Variants in LGSN observed in about 807,000 individuals in gnomAD.
LGSN encodes lengsin, lens protein with glutamine synthetase domain.
Under a neutral mutation model 19.5 loss-of-function variants are expected in LGSN, and 21 were observed. That is an observed-to-expected ratio of 1.07 (90% CI 0.76 to 1.55). The LOEUF (loss-of-function observed/expected upper bound fraction) is 1.55, where lower values mean the gene tolerates loss of function less well. Ranked by LOEUF, LGSN falls within the 40% of genes most tolerant of loss-of-function variation. LGSN has a pLI of 0.00. For synonymous variants in LGSN, 257 were observed against 215.6 expected (o/e 1.19, Z -1.68); for missense variants, 673 against 608.5 (o/e 1.11, Z -1.12).
At chr6:63,445,533 G>A in the LGSN span, among the ~76,000 whole-genome samples, 1 of 151,910 alleles carries the variant, frequency 6.6e-6, no homozygotes, top group East Asian at 1.9e-4. Context: ...CACAAGAATC[G>A]CTTGAACCTG....
the LGSN span, among the ~76,000 whole-genome samples, chr6:63,407,517 A>G: frequency 6.6e-6 from 1 of 152,222 alleles, no homozygotes; most frequent in Non-Finnish European, 1.5e-5. Context: ...TTCGGTATTG[A>G]TGGGACGTAT....
At chr6:63,442,818 G>A in the LGSN span, among the ~76,000 whole-genome samples, 1 of 152,260 alleles carries the variant, frequency 6.6e-6, no homozygotes, top group Non-Finnish European at 1.5e-5. Context: ...ACAGAGTGCT[G>A]ATTGGTGCAT....
the LGSN span, among the ~76,000 whole-genome samples, chr6:63,525,411 G>A: frequency 4.6e-5 from 7 of 152,266 alleles, no homozygotes; most frequent in East Asian, 5.8e-4. Flanking sequence ...ACTCCTTCCC[G>A]TTTGCTTGCT....
the LGSN span, among the ~76,000 whole-genome samples, chr6:63,485,821 C>T: frequency 6.6e-6 from 1 of 152,078 alleles, no homozygotes; most frequent in Non-Finnish European, 1.5e-5. Context: ...CTCTGCCTCC[C>T]GGGTTCAAGT....
At chr6:63,572,622 GCCTCCTGCCCTGCAGCCACCGCCA>G in the LGSN span, 1 of 421,158 alleles carries the variant, frequency 2.4e-6, no homozygotes. Context: ...GACCACCGCC[GCCTCCTGCCCTGCAGCCACCGCCA>G]CCGCCTGTGT....
the LGSN span, among the ~76,000 whole-genome samples, chr6:63,380,045 GC>G: frequency 6.6e-6 from 1 of 151,990 alleles, no homozygotes; most frequent in African/African-American, 2.4e-5. Context: ...CACTATGTTG[GC>G]CAGGCTGGTC....
At chr6:63,386,955 G>A in the LGSN span, among the ~76,000 whole-genome samples, 2 of 152,052 alleles carry the variant, frequency 1.3e-5, no homozygotes, top group Non-Finnish European at 2.9e-5. Flanking sequence ...ACAAAAATCA[G>A]CCAGACATGG....
chr6:63,553,654 A>G, the LGSN span, among the ~76,000 whole-genome samples: 1 of 152,198 alleles, frequency 6.6e-6, no homozygotes, highest in African/African-American at 2.4e-5. Context: ...CTGGTAAAGA[A>G]TTGATTGCAT....
chr6:63,326,031 A>T, the LGSN span, among the ~76,000 whole-genome samples: 1 of 152,080 alleles, frequency 6.6e-6, no homozygotes, highest in Admixed American at 6.5e-5. Flanking sequence ...TACAATCCCT[A>T]CAATCCCTGA....
chr6:63,562,426 C>T, the LGSN span, among the ~76,000 whole-genome samples: 4 of 152,032 alleles, frequency 2.6e-5, no homozygotes, highest in Non-Finnish European at 4.4e-5. Context: ...CTCGAACTCC[C>T]GACCTCAAGT....
the LGSN span, among the ~76,000 whole-genome samples, chr6:63,335,259 C>T: frequency 2.0e-5 from 3 of 151,662 alleles, no homozygotes; most frequent in South Asian, 2.1e-4. Flanking sequence ...TCTCACCACA[C>T]ACAAAAATAA....
chr6:63,323,773 C>CT (rs150256951), upstream of LGSN, among the ~76,000 whole-genome samples: 711 of 126,242 alleles, frequency 5.6e-3, 2 homozygotes, highest in East Asian at 0.026. Context: ...TTTTTGCATT[C>CT]TTTTTTTTTT....
intron 1 of LGSN, among the ~76,000 whole-genome samples, chr6:63,304,877 T>C (rs1363003770): frequency 6.6e-6 from 1 of 152,064 alleles, no homozygotes; most frequent in East Asian, 1.9e-4. Flanking sequence ...CTATAACCTA[T>C]CAATAATGTG....
the LGSN span, among the ~76,000 whole-genome samples, chr6:63,372,175 C>T: frequency 2.6e-5 from 4 of 152,226 alleles, no homozygotes; most frequent in Admixed American, 6.5e-5. Context: ...ACAGACTCCT[C>T]TGGGGCTACT....
chr6:63,443,920 A>C, the LGSN span, among the ~76,000 whole-genome samples: 56 of 152,086 alleles, frequency 3.7e-4, no homozygotes, highest in East Asian at 0.011. Context: ...TCACCAAAAA[A>C]AAAAAAAAGT....
At chr6:63,479,117 G>T in the LGSN span, among the ~76,000 whole-genome samples, 97 of 152,322 alleles carry the variant, frequency 6.4e-4, 1 homozygote, top group Admixed American at 4.6e-3. Flanking sequence ...TAACTGGTTA[G>T]ATTAGACAAC....
the LGSN span, among the ~76,000 whole-genome samples, chr6:63,329,018 T>C: frequency 6.6e-6 from 1 of 152,232 alleles, no homozygotes; most frequent in African/African-American, 2.4e-5. Flanking sequence ...ATATTTAACC[T>C]GCTGTAGGCA....
the LGSN span, among the ~76,000 whole-genome samples, chr6:63,366,893 A>T: frequency 6.6e-6 from 1 of 150,746 alleles, no homozygotes; most frequent in Non-Finnish European, 1.5e-5. Context: ...CCATATGTAG[A>T]AAGCTGAAAC....
At chr6:63,300,985 T>C (rs1768157411) in intron 1 of LGSN, among the ~76,000 whole-genome samples, 1 of 152,178 alleles carries the variant, frequency 6.6e-6, no homozygotes, top group African/African-American at 2.4e-5. Context: ...TATATGTAAT[T>C]ATAACTACTA....
Sources: allele counts gnomAD v4.1 joint callset (sites outside exome capture counted in the v4.1 genomes callset), GRCh38; gene constraint gnomAD v4.1.1; transcripts MANE v1.5; gene names NCBI Gene and HGNC (gene_info 2026-07-23, HGNC 2026-07-21).